SLC25A48: variants seen among roughly 807,000 people sequenced by gnomAD.
The protein encoded by SLC25A48 is CTC-321K16.1.
Under a neutral mutation model 32.2 loss-of-function variants are expected in SLC25A48, and 29 were observed. The observed-to-expected ratio is 0.90, with a 90% confidence interval of 0.67 to 1.23. The LOEUF is 1.23. Ranked by LOEUF, SLC25A48 falls within the 50% of genes most tolerant of loss-of-function variation. SLC25A48 has a pLI of 0.00. For missense variants in SLC25A48, 399 were observed against 422.7 expected (o/e 0.94, Z 0.49); for synonymous variants, 164 against 172.3 (o/e 0.95, Z 0.38).
chr5:135,729,087 C>T (rs187390658), intron 3 of SLC25A48, among the ~76,000 whole-genome samples: 2 of 152,206 alleles, frequency 1.3e-5, no homozygotes, highest in African/African-American at 2.4e-5. Context: ...ATACCCCTTC[C>T]ATGTGCCTAG....
At chr5:135,643,957 AG>A (rs1362078273) in intron 3 of SLC25A48, among the ~76,000 whole-genome samples, 7 of 152,182 alleles carry the variant, frequency 4.6e-5, no homozygotes, top group African/African-American at 1.7e-4. Context: ...AGGAAGAGCC[AG>A]GGTTTAAACT....
At chr5:135,702,104 C>T (rs1754408193) in intron 3 of SLC25A48, among the ~76,000 whole-genome samples, 4 of 152,214 alleles carry the variant, frequency 2.6e-5, no homozygotes, top group Admixed American at 2.0e-4. Context: ...GCTACAAAGT[C>T]TATACATTGA....
At chr5:135,755,332 A>G (rs1294669487) in intron 3 of SLC25A48, among the ~76,000 whole-genome samples, 4 of 152,088 alleles carry the variant, frequency 2.6e-5, no homozygotes, top group African/African-American at 9.7e-5. Flanking sequence ...TTTAGTGTCA[A>G]TGCACTATGG....
chr5:135,593,084 A>G (rs964551601), intron 1 of SLC25A48, among the ~76,000 whole-genome samples: 3 of 152,120 alleles, frequency 2.0e-5, no homozygotes, highest in Admixed American at 2.0e-4. Context: ...CTCCTGTTTA[A>G]TAGTGAGGGC....
At chr5:135,652,423 T>G in intron 3 of SLC25A48, 1 of 456,252 alleles carries the variant, frequency 2.2e-6, no homozygotes, top group Non-Finnish European at 4.4e-6. Flanking sequence ...TCCACCATTA[T>G]GACATTCTCC....
Position 135,880,110 on chromosome 5 carries a change from C to A in SLC25A48, c.*7+13C>A. 3.9e-6 allele frequency: 6 copies of A among 1,524,568 alleles called. No homozygotes were observed. In the South Asian group the frequency reaches 7.4e-5, roughly 19 times the overall value. 94.4% of individuals were successfully genotyped at this position (1,524,568 alleles called of 1,614,324 possible). ...CCATAAGCGCCAGGTCAGTGTGCTT[C>A]CATCCTGGCCAATTGTGCCTCCCAG... On this transcript the variant is annotated intron_variant, in intron 7 of 7. Transcript: ENST00000681962.
chr5:135,651,361 G>T (rs573063006), intron 3 of SLC25A48, among the ~76,000 whole-genome samples: 7 of 152,160 alleles, frequency 4.6e-5, no homozygotes, highest in Non-Finnish European at 4.4e-5. Context: ...CTTGTGAGTG[G>T]TTTCCCCCAG....
intron 3 of SLC25A48, among the ~76,000 whole-genome samples, chr5:135,723,362 A>ACTCT (rs1159449010): frequency 6.9e-5 from 6 of 86,942 alleles, no homozygotes; most frequent in African/African-American, 1.7e-4. Context: ...TCTGTCTCTC[A>ACTCT]CTCTCTCTCT....
intron 3 of SLC25A48, among the ~76,000 whole-genome samples, chr5:135,670,307 G>A (rs1753624437): frequency 6.6e-6 from 1 of 152,180 alleles, no homozygotes; most frequent in South Asian, 2.1e-4. Context: ...AGAGCTAGGG[G>A]GCTTTCTGCA....
intron 3 of SLC25A48, among the ~76,000 whole-genome samples, chr5:135,766,354 AGG>A (rs78167640): frequency 2.2e-5 from 3 of 134,854 alleles, no homozygotes; most frequent in Non-Finnish European, 1.6e-5. Context: ...TGTAATATCA[AGG>A]GGGGGGGAAG....
At chr5:135,616,189 C>T (rs1752187813) in intron 1 of SLC25A48, among the ~76,000 whole-genome samples, 1 of 152,156 alleles carries the variant, frequency 6.6e-6, no homozygotes, top group Admixed American at 6.5e-5. Context: ...GTTGGAGCTC[C>T]CACATGGAGT....
chr5:135,867,351 A>G (rs1023723915), intron 4 of SLC25A48, among the ~76,000 whole-genome samples: 1 of 152,122 alleles, frequency 6.6e-6, no homozygotes, highest in South Asian at 2.1e-4. Flanking sequence ...AGTTGTGCAT[A>G]TTTCCAAGAC....
At chr5:135,829,695 T>A (rs1303208661), upstream of SLC25A48, among the ~76,000 whole-genome samples, 1 of 5,146 alleles carries the variant, frequency 1.9e-4, no homozygotes, top group African/African-American at 8.8e-4. Flanking sequence ...TGCAGAGGGG[T>A]GGGGGTGGGG....
In SLC25A48 at chr5:135,834,883, C is replaced by A; in HGVS notation, c.36C>A (p.Gly12=). ...GSFQLEDFAA[G]WIGGAASVIV... ...TCCAGCTGGAAGACTTTGCGGCGGGCTGGATCGGAGGTGAGTGTGCTTACC... is the reference window on the plus strand; with the variant it reads ...TCCAGCTGGAAGACTTTGCGGCGGGATGGATCGGAGGTGAGTGTGCTTACC... Residue 12 remains glycine, a synonymous_variant, in exon 1 of 8, where the codon GGC becomes GGA. Transcript: ENST00000681962. 1 of 1,603,626 alleles carries A rather than the reference C, an allele frequency of 6.2e-7. No individual in the cohort carries two copies. The highest frequency in any genetic ancestry group is 8.5e-7 in the Non-Finnish European group (1 of 1,176,046).
intron 1 of SLC25A48, among the ~76,000 whole-genome samples, chr5:135,606,512 C>A (rs532372391): frequency 6.6e-6 from 1 of 152,290 alleles, no homozygotes; most frequent in Admixed American, 6.5e-5. Flanking sequence ...ATCCTTGCTG[C>A]AGCCCTGTGA....
intron 3 of SLC25A48, among the ~76,000 whole-genome samples, chr5:135,798,696 T>G (rs1757247135): frequency 6.6e-6 from 1 of 151,134 alleles, no homozygotes. Flanking sequence ...TCGCAGGGGG[T>G]GTACACTCTC....
intron 3 of SLC25A48, among the ~76,000 whole-genome samples, chr5:135,636,157 G>A (rs1400156071): frequency 6.6e-6 from 1 of 152,148 alleles, no homozygotes; most frequent in African/African-American, 2.4e-5. Flanking sequence ...CCACATATAG[G>A]TTACTCCAGA....
Position 135,652,503 on chromosome 5 carries a change from G to A in SLC25A48, c.-521+17547G>A, listed in dbSNP as rs894481145. On this transcript the variant is annotated intron_variant, in intron 3 of 10. Coordinates refer to the SLC25A48 transcript ENST00000646290. Reference sequence around the variant, plus strand: ...GTGGTGCAATGGATTAATTCCCATGGAATTAACAGGTCTCACTATATACCC... The same window carrying A: ...GTGGTGCAATGGATTAATTCCCATGAAATTAACAGGTCTCACTATATACCC... 3 of 454,118 alleles carry A rather than the reference G, an allele frequency of 6.6e-6. 1 individual carries two copies. Among genetic ancestry groups the A allele is most frequent in the South Asian group, 4.7e-5 (3 of 63,994 alleles). The allele number at this position is 454,118 out of a possible 1,614,324, so 28.1% of individuals were successfully genotyped here.
chr5:135,664,106 A>G (rs1048109641), intron 3 of SLC25A48, among the ~76,000 whole-genome samples: 1 of 152,198 alleles, frequency 6.6e-6, no homozygotes, highest in African/African-American at 2.4e-5. Flanking sequence ...CCACTGAATA[A>G]AATTTAGGTT....
Sources: gnomAD v4.1 joint callset for allele counts (sites outside exome capture counted in the v4.1 genomes callset) on GRCh38, gnomAD v4.1.1 for gene constraint, MANE v1.5 for transcripts, NCBI Gene and HGNC (gene_info 2026-07-23, HGNC 2026-07-21) for gene names.